The following KIAA0319L variants were observed in gnomAD, a reference collection of about 807,000 sequenced individuals.
KIAA0319L encodes dyslexia-associated protein KIAA0319-like protein.
KIAA0319L carries 55 observed loss-of-function variants against 120.1 expected under a neutral mutation model. The observed-to-expected ratio is 0.46, with a 90% CI of 0.37 to 0.57. The LOEUF is 0.57. KIAA0319L is among the 20% of genes least tolerant of loss of function. The pLI is 0.00. For synonymous variants in KIAA0319L, 398 were observed against 471.9 expected (o/e 0.84, Z 2.03); for missense variants, 1,049 against 1,255.3 (o/e 0.84, Z 2.48).
chr1:35,529,053 T>C (rs1318105383), intron 2 of KIAA0319L, among the ~76,000 whole-genome samples: 1 of 152,184 alleles, frequency 6.6e-6, no homozygotes, highest in African/African-American at 2.4e-5. Context: ...TCTTATCTAT[T>C]CTGACAGTCT....
At position 35,437,935 on chromosome 1, in the gene KIAA0319L, T is replaced by C. The variant is rs1294293316; in HGVS notation, c.2963-2854A>G. On this transcript the variant is annotated intron_variant, in intron 20 of 20. Coordinates refer to ENST00000325722, the MANE Select transcript of KIAA0319L (RefSeq NM_024874.5). This position sits in a 1 kb window ranked among gnomAD's most constrained non-coding sequence, Gnocchi z 4.1. ...AGCACTATCATTCTCCATCTCTCGG[T>C]TGGAAGTCAGCCCTGACCTTGCCAG... Among the ~76,000 whole-genome samples, 1 of 152,194 alleles carries C rather than the reference T, an allele frequency of 6.6e-6. No homozygotes were observed. The highest frequency in any genetic ancestry group is 6.5e-5 in the Admixed American group (1 of 15,278).
intron 2 of KIAA0319L, among the ~76,000 whole-genome samples, chr1:35,527,973 T>C (rs1646217815): frequency 6.6e-6 from 1 of 152,186 alleles, no homozygotes; most frequent in South Asian, 2.1e-4. Context: ...TTAGGTTATT[T>C]GAAATCTTTC....
At chr1:35,537,694 T>C (rs1646637152) in intron 2 of KIAA0319L, among the ~76,000 whole-genome samples, 1 of 151,366 alleles carries the variant, frequency 6.6e-6, no homozygotes, top group Non-Finnish European at 1.5e-5. Flanking sequence ...CTTCAGATAC[T>C]TAAATATCTC....
At chr1:35,545,040 A>C (rs1363468369) in intron 2 of KIAA0319L, among the ~76,000 whole-genome samples, 2 of 152,204 alleles carry the variant, frequency 1.3e-5, no homozygotes, top group Non-Finnish European at 2.9e-5. Flanking sequence ...GTGAGGGGTA[A>C]GAATTTGAGA....
At chr1:35,513,435 C>T (rs1017254741) in intron 2 of KIAA0319L, among the ~76,000 whole-genome samples, 1 of 151,346 alleles carries the variant, frequency 6.6e-6, no homozygotes, top group South Asian at 2.1e-4. Flanking sequence ...GGCAACATAG[C>T]GAGACCTTGT....
At chr1:35,526,418 T>TATATATATATATATATATATACACACAC (rs1646147875) in intron 2 of KIAA0319L, among the ~76,000 whole-genome samples, 1 of 141,878 alleles carries the variant, frequency 7.0e-6, no homozygotes, top group Non-Finnish European at 1.5e-5. Flanking sequence ...TATACACACA[T>TATATATATATATATATATATACACACAC]ACATATATAT....
Position 35,554,454 on chromosome 1 carries a change from G to A in KIAA0319L, c.38C>T (p.Ser13Phe). 1 of 1,613,184 alleles carries A rather than the reference G, an allele frequency of 6.2e-7. No individual in the cohort carries two copies. The highest frequency in any genetic ancestry group is 8.5e-7 in the Non-Finnish European group (1 of 1,179,722). ...KRLGVKPNPA[S>F]WILSGYYWQT... The stretch of plus-strand genomic sequence containing the variant: ...CCAATAATATCCTGATAAAATCCAG[G>A]AAGCAGGATTTGGCTTGACTCCCAG... The change falls in exon 2 of 21, where the codon TCC becomes TTC. Residue 13 changes from serine to phenylalanine, a missense_variant. Coordinates refer to ENST00000325722, the MANE Select transcript of KIAA0319L (RefSeq NM_024874.5).
chr1:35,536,408 C>T (rs1646575047), intron 2 of KIAA0319L, among the ~76,000 whole-genome samples: 1 of 152,200 alleles, frequency 6.6e-6, no homozygotes, highest in Non-Finnish European at 1.5e-5. Context: ...GTGACATAAG[C>T]CTTCACCATG....
chr1:35,484,507 C>T (rs1644288159), intron 3 of KIAA0319L, among the ~76,000 whole-genome samples: 1 of 152,064 alleles, frequency 6.6e-6, no homozygotes, highest in African/African-American at 2.4e-5. Flanking sequence ...TGCAATCTTG[C>T]TAACTTTACT....
intron 2 of KIAA0319L, among the ~76,000 whole-genome samples, chr1:35,535,124 A>G (rs1026388936): frequency 2.7e-5 from 4 of 147,534 alleles, no homozygotes; most frequent in South Asian, 4.3e-4. Flanking sequence ...AAAAAAAAAA[A>G]GAATAACAGT....
intron 16 of KIAA0319L, 90 bp downstream of exon 16, chr1:35,448,083 C>G: frequency 7.9e-7 from 1 of 1,271,778 alleles, no homozygotes; most frequent in Non-Finnish European, 1.1e-6. Context: ...GCCCACCTTT[C>G]TCTATCTAAC....
intron 6 of KIAA0319L, 23 bp from the exon 7 acceptor site, chr1:35,466,718 CT>C: frequency 6.8e-7 from 1 of 1,474,182 alleles, no homozygotes; most frequent in Non-Finnish European, 9.5e-7. Context: ...GAGAAGATCT[CT>C]TAGACAATCA....
At chr1:35,507,180 A>G in intron 2 of KIAA0319L, 45 bp from the exon 3 acceptor site, 1 of 1,503,352 alleles carries the variant, frequency 6.7e-7, no homozygotes, top group African/African-American at 1.4e-5. Context: ...ATAAAAACAG[A>G]GACTACTGCT....
At chr1:35,526,431 G>GTATATA (rs71571802) in intron 2 of KIAA0319L, among the ~76,000 whole-genome samples, 1 of 125,584 alleles carries the variant, frequency 8.0e-6, no homozygotes, top group Non-Finnish European at 1.8e-5. Context: ...ATATATATAT[G>GTATATA]TATATATATA....
Position 35,466,768 on chromosome 1 carries a change from A to C in KIAA0319L, c.1114-73T>G, listed in dbSNP as rs921156673. ...TTACATTTAAAATAAGATATATCTGAACTTTCCCAAGCTGAATCTTTCACT... is the reference window on the plus strand; with the variant it reads ...TTACATTTAAAATAAGATATATCTGCACTTTCCCAAGCTGAATCTTTCACT... On this transcript the variant is annotated intron_variant, in intron 6 of 20. Transcript: ENST00000325722. The C allele has an allele frequency of 3.8e-6, 4 of 1,059,938 alleles. No individual in the cohort carries two copies. In the African/African-American group the frequency reaches 4.7e-5, roughly 12 times the overall value. The allele number at this position is 1,059,938 out of a possible 1,614,324, so 65.7% of individuals were successfully genotyped here.
intron 2 of KIAA0319L, among the ~76,000 whole-genome samples, chr1:35,527,945 G>GT (rs1390170642): frequency 6.6e-6 from 1 of 150,784 alleles, no homozygotes; most frequent in Non-Finnish European, 1.5e-5. Flanking sequence ...TGCCTTTCTA[G>GT]TTCCTTAAGG....
At chr1:35,469,934 T>C (rs1643507825) in intron 6 of KIAA0319L, among the ~76,000 whole-genome samples, 1 of 152,012 alleles carries the variant, frequency 6.6e-6, no homozygotes, top group Non-Finnish European at 1.5e-5. Context: ...AGTAGTATGA[T>C]CATAGCTCAC....
At chr1:35,536,626 T>A (rs1646582610) in intron 2 of KIAA0319L, among the ~76,000 whole-genome samples, 1 of 152,250 alleles carries the variant, frequency 6.6e-6, no homozygotes, top group African/African-American at 2.4e-5. Context: ...TGCCTTTAAC[T>A]TCTACCTAAA....
At chr1:35,538,948 C>A (rs867751991) in intron 2 of KIAA0319L, among the ~76,000 whole-genome samples, 2 of 152,042 alleles carry the variant, frequency 1.3e-5, no homozygotes, top group African/African-American at 2.4e-5. Context: ...TCTAACTGCA[C>A]GGAAACTGGC....
Sources: allele counts gnomAD v4.1 joint callset (sites outside exome capture counted in the v4.1 genomes callset), GRCh38; gene constraint gnomAD v4.1.1; non-coding constraint Gnocchi (gnomAD v3.1); transcripts MANE v1.5; gene names NCBI Gene and HGNC (gene_info 2026-07-23, HGNC 2026-07-21).